Variants in SPSB4 observed in about 807,000 individuals in gnomAD.
The protein encoded by SPSB4 is splA/ryanodine receptor domain and SOCS box containing 4.
Under a neutral mutation model 20.9 loss-of-function variants are expected in SPSB4, and 21 were observed. That is an observed-to-expected ratio of 1.01 (90% CI 0.71 to 1.45). The LOEUF (loss-of-function observed/expected upper bound fraction) is 1.45. SPSB4 is among the 40% of genes most tolerant of loss of function. The pLI is 0.00. For missense variants in SPSB4, 399 were observed against 399.2 expected (o/e 1.00, Z 0.00); for synonymous variants, 207 against 183.8 (o/e 1.13, Z -1.02).
intron 2 of SPSB4, among the ~76,000 whole-genome samples, chr3:141,106,765 G>A (rs970691655): frequency 5.3e-5 from 8 of 152,160 alleles, no homozygotes; most frequent in African/African-American, 1.7e-4. Context: ...TTCGTGTCTA[G>A]TGGCACCTTA....
chr3:141,071,902 G>A (rs1243883028), intron 2 of SPSB4, among the ~76,000 whole-genome samples: 3 of 152,248 alleles, frequency 2.0e-5, no homozygotes, highest in Non-Finnish European at 4.4e-5. Flanking sequence ...GCTAGCCAAG[G>A]CTTCTGGTAT....
intron 2 of SPSB4, among the ~76,000 whole-genome samples, chr3:141,131,338 A>AT (rs1285365300): frequency 2.6e-5 from 4 of 151,950 alleles, no homozygotes; most frequent in Non-Finnish European, 5.9e-5. Context: ...TCTGTCAGTG[A>AT]TTTTTTTTAA....
At chr3:141,055,535 A>G (rs564757203) in intron 1 of SPSB4, among the ~76,000 whole-genome samples, 5 of 152,294 alleles carry the variant, frequency 3.3e-5, no homozygotes, top group African/African-American at 9.6e-5. Context: ...TCTTGGTCCA[A>G]CTTACCTGTT....
chr3:141,093,836 G>A (rs1216435644), intron 2 of SPSB4, among the ~76,000 whole-genome samples: 4 of 152,276 alleles, frequency 2.6e-5, no homozygotes, highest in South Asian at 2.1e-4. Flanking sequence ...AGCCTGAGCC[G>A]TGCCTTGCTG....
chr3:141,114,064 A>C (rs1938847988), intron 2 of SPSB4, among the ~76,000 whole-genome samples: 1 of 152,204 alleles, frequency 6.6e-6, no homozygotes, highest in Non-Finnish European at 1.5e-5. Flanking sequence ...CTCTAGCCTG[A>C]GTGACAGAGT....
chr3:141,079,229 C>G (rs532593521), intron 2 of SPSB4, among the ~76,000 whole-genome samples: 5 of 151,282 alleles, frequency 3.3e-5, no homozygotes, highest in African/African-American at 1.2e-4. Flanking sequence ...CCACTGCACT[C>G]CAGCCTGAGC....
At chr3:141,119,535 G>A (rs1297814776) in intron 2 of SPSB4, among the ~76,000 whole-genome samples, 1 of 152,202 alleles carries the variant, frequency 6.6e-6, no homozygotes, top group African/African-American at 2.4e-5. Flanking sequence ...ATGTTGAATA[G>A]GAGTGATGAG....
intron 2 of SPSB4, among the ~76,000 whole-genome samples, chr3:141,120,954 A>T (rs1259414780): frequency 6.6e-6 from 1 of 151,508 alleles, no homozygotes; most frequent in Non-Finnish European, 1.5e-5. Flanking sequence ...TCCTGTCATT[A>T]TGATGTTAGC....
chr3:141,140,131 ACTGAGG>A (rs1453553757), intron 2 of SPSB4, among the ~76,000 whole-genome samples: 3 of 151,954 alleles, frequency 2.0e-5, no homozygotes, highest in Non-Finnish European at 4.4e-5. Context: ...CGCGTCAGTT[ACTGAGG>A]CTTGTGCATT....
At chr3:141,082,773 G>A (rs994302052) in intron 2 of SPSB4, among the ~76,000 whole-genome samples, 1 of 152,224 alleles carries the variant, frequency 6.6e-6, no homozygotes, top group Non-Finnish European at 1.5e-5. Context: ...GCCAGAACTA[G>A]AATTTGGACT....
intron 2 of SPSB4, among the ~76,000 whole-genome samples, chr3:141,088,629 G>A (rs1032888919): frequency 3.3e-5 from 5 of 152,168 alleles, no homozygotes; most frequent in African/African-American, 1.2e-4. Context: ...TCAATGACTC[G>A]GAGACAGGAG....
chr3:141,127,660 C>T (rs1384309278), intron 2 of SPSB4, among the ~76,000 whole-genome samples: 1 of 152,156 alleles, frequency 6.6e-6, no homozygotes, highest in Non-Finnish European at 1.5e-5. Flanking sequence ...TTCTGCCAAA[C>T]GTCAACCGGT....
intron 2 of SPSB4, among the ~76,000 whole-genome samples, chr3:141,104,316 T>C (rs1428827862): frequency 6.6e-6 from 1 of 152,122 alleles, no homozygotes; most frequent in East Asian, 1.9e-4. Context: ...ATGTGCTTCA[T>C]TTCTTGGGGA....
intron 1 of SPSB4, among the ~76,000 whole-genome samples, chr3:141,056,920 C>A (rs1937656350): frequency 1.3e-5 from 2 of 152,266 alleles, no homozygotes; most frequent in South Asian, 2.1e-4. Flanking sequence ...CACAGCCTAG[C>A]AAACCTCCTT....
At chr3:141,121,507 T>C (rs903184015) in intron 2 of SPSB4, among the ~76,000 whole-genome samples, 2 of 152,212 alleles carry the variant, frequency 1.3e-5, no homozygotes, top group African/African-American at 4.8e-5. Context: ...TGAAGAGTGT[T>C]TTCTAACTTG....
At chr3:141,075,061 C>A (rs1938079838) in intron 2 of SPSB4, among the ~76,000 whole-genome samples, 1 of 151,664 alleles carries the variant, frequency 6.6e-6, no homozygotes, top group South Asian at 2.1e-4. Flanking sequence ...GAACTAAAAC[C>A]CAGGCCTCCA....
At chr3:141,141,028 TG>T (rs1939317541) in intron 2 of SPSB4, among the ~76,000 whole-genome samples, 1 of 152,214 alleles carries the variant, frequency 6.6e-6, no homozygotes. Flanking sequence ...GCCTGAGCAA[TG>T]GTGGGCACCC....
At chr3:141,056,937 A>G (rs1490034413) in intron 1 of SPSB4, among the ~76,000 whole-genome samples, 3 of 151,532 alleles carry the variant, frequency 2.0e-5, no homozygotes, top group Non-Finnish European at 2.9e-5. Context: ...CCTTCATCCC[A>G]TTTGCTGCTC....
intron 2 of SPSB4, among the ~76,000 whole-genome samples, chr3:141,101,727 C>T (rs563905597): frequency 4.3e-4 from 65 of 152,316 alleles, no homozygotes; most frequent in Non-Finnish European, 6.6e-4. Context: ...TTCTTTCCCA[C>T]GTATTAATGT....
Sources: allele counts gnomAD v4.1 joint callset (sites outside exome capture counted in the v4.1 genomes callset), GRCh38; gene constraint gnomAD v4.1.1; transcripts MANE v1.5; gene names NCBI Gene and HGNC (gene_info 2026-07-23, HGNC 2026-07-21).